Variants in BTD observed in about 807,000 individuals in gnomAD.
The protein encoded by BTD is biocytinase.
A neutral mutation model predicts 17.7 loss-of-function variants in BTD; 13 were observed. That is an observed-to-expected ratio of 0.74 (90% confidence interval 0.48 to 1.17). The LOEUF (loss-of-function observed/expected upper bound fraction) is 1.17, where lower values mean the gene tolerates loss of function less well. BTD is among the 50% of genes most tolerant of loss of function. BTD has a pLI of 0.00. For synonymous variants in BTD, 240 were observed against 245.2 expected (o/e 0.98, Z 0.20); for missense variants, 674 against 650.4 (o/e 1.04, Z -0.39).
intron 4 of BTD, chr3:15,720,979 G>T: frequency 6.2e-7 from 1 of 1,613,862 alleles, no homozygotes; most frequent in Non-Finnish European, 8.5e-7. Flanking sequence ...ATGTGTTGAT[G>T]CAGCAGCAAA....
intron 2 of BTD, among the ~76,000 whole-genome samples, chr3:15,637,920 G>A (rs570540863): frequency 5.9e-5 from 9 of 152,268 alleles, no homozygotes; most frequent in South Asian, 4.1e-4. Context: ...GCATCACTCC[G>A]TCTCTATTTG....
intron 3 of BTD, chr3:15,668,790 T>C (rs754467357): frequency 6.6e-5 from 10 of 152,658 alleles, no homozygotes; most frequent in Non-Finnish European, 1.0e-4. Flanking sequence ...TCACACTTTA[T>C]ATTCAGAAAA....
intron 3 of BTD, chr3:15,679,446 C>G (rs1008390520): frequency 6.2e-7 from 1 of 1,613,592 alleles, no homozygotes; most frequent in Non-Finnish European, 8.5e-7. Context: ...AACACTCAAA[C>G]CAAATCTGAT....
intron 3 of BTD, among the ~76,000 whole-genome samples, chr3:15,661,659 A>G (rs999174331): frequency 2.6e-5 from 4 of 152,164 alleles, no homozygotes; most frequent in South Asian, 2.1e-4. Flanking sequence ...AATGAAGTCT[A>G]GCTTATCATT....
chr3:15,721,205 T>A, intron 4 of BTD: 9 of 1,204,672 alleles, frequency 7.5e-6, no homozygotes, highest in Non-Finnish European at 9.5e-6. Flanking sequence ...TAGCAACCTG[T>A]GGTTGCAATC....
rs73817023 is a variant in BTD at position 15,602,184 on chromosome 3, G to A, written c.-17+290G>A. On this transcript the variant is annotated intron_variant, in intron 1 of 3. Coordinates refer to ENST00000643237, the MANE Select transcript of BTD (RefSeq NM_001370658.1). ...GTTACTTAAATCCAGAAGCAGATGT[G>A]TACCCCAGCAAGAGATAAAATGACG... 8,463 of 1,397,626 alleles carry A rather than the reference G, an allele frequency of 6.1e-3. 406 individuals are homozygous for A. In the African/African-American group the frequency reaches 0.11, roughly 18 times the overall value. The allele number at this position is 1,397,626 out of a possible 1,614,324, so 86.6% of individuals were successfully genotyped here.
At chr3:15,721,205 T>G in intron 4 of BTD, 1 of 1,204,710 alleles carries the variant, frequency 8.3e-7, no homozygotes, top group South Asian at 1.4e-5. Context: ...TAGCAACCTG[T>G]GGTTGCAATC....
At chr3:15,707,909 T>C (rs757080130) in intron 3 of BTD, 16 of 1,609,254 alleles carry the variant, frequency 9.9e-6, no homozygotes, top group Non-Finnish European at 1.2e-5. Context: ...CCACTCTCAC[T>C]CCTATGGTAC....
intron 3 of BTD, among the ~76,000 whole-genome samples, chr3:15,693,990 C>G (rs1480383948): frequency 6.6e-6 from 1 of 152,086 alleles, no homozygotes; most frequent in Non-Finnish European, 1.5e-5. Context: ...AAGCATTTTA[C>G]TAAAAATCAT....
chr3:15,701,889 G>C (rs769841080), intron 3 of BTD, among the ~76,000 whole-genome samples: 3 of 152,028 alleles, frequency 2.0e-5, no homozygotes, highest in Non-Finnish European at 4.4e-5. Context: ...GAAAAAGCCT[G>C]CAAGTCTGTA....
At chr3:15,644,189 A>T (rs1035208362) in intron 3 of BTD, 127 bp from the exon 4 acceptor site, 19 of 939,250 alleles carry the variant, frequency 2.0e-5, no homozygotes, top group Non-Finnish European at 3.0e-5. Context: ...TTTAGTTGAG[A>T]TGGGGTTTCA....
At chr3:15,601,554 CT>C (rs779922996), upstream of BTD, 3 of 1,603,884 alleles carry the variant, frequency 1.9e-6, no homozygotes, top group East Asian at 2.2e-5. Context: ...CACGCCACCT[CT>C]GGTACTGCAC....
intron 1 of BTD, among the ~76,000 whole-genome samples, chr3:15,608,229 A>T (rs1264978917): frequency 6.6e-6 from 1 of 152,184 alleles, no homozygotes; most frequent in Non-Finnish European, 1.5e-5. Context: ...CTGGAACTGG[A>T]GAAGGGAGTG....
downstream of BTD, chr3:15,714,593 T>G: frequency 6.3e-7 from 1 of 1,592,390 alleles, no homozygotes. Flanking sequence ...TGGATAATGG[T>G]TTGTGATCGG....
Position 15,676,684 on chromosome 3 carries a change from A to C in BTD, c.400-33376A>C, listed in dbSNP as rs182645974. The C allele has an allele frequency of 3.2e-5, 8 of 250,618 alleles. No homozygotes were observed. In the Admixed American group the frequency reaches 3.6e-4, roughly 11 times the overall value. The allele number at this position is 250,618 out of a possible 1,614,324, so 15.5% of individuals were successfully genotyped here. On this transcript the variant is annotated intron_variant, in intron 3 of 3. Coordinates refer to the BTD transcript ENST00000672141. ...TAACATATTATTACAGTTGATTTCC[A>C]CAGAATACACAAAATAGTACTACTT...
intron 4 of BTD, among the ~76,000 whole-genome samples, chr3:15,718,888 C>G (rs2073384218): frequency 6.6e-6 from 1 of 152,118 alleles, no homozygotes; most frequent in Non-Finnish European, 1.5e-5. Flanking sequence ...ATTAAAGAAA[C>G]ATTACTGCGC....
intron 4 of BTD, among the ~76,000 whole-genome samples, chr3:15,719,063 T>C (rs889245579): frequency 3.3e-5 from 5 of 152,244 alleles, no homozygotes; most frequent in African/African-American, 1.2e-4. Flanking sequence ...TACTAGGTGA[T>C]TTGACCGAGA....
intron 3 of BTD, among the ~76,000 whole-genome samples, chr3:15,677,970 C>T (rs2067127958): frequency 1.3e-5 from 2 of 152,132 alleles, no homozygotes; most frequent in African/African-American, 4.8e-5. Context: ...GGCAATCCAA[C>T]TCCACAGCCA....
At chr3:15,709,165 T>C (rs1337561939) in intron 3 of BTD, among the ~76,000 whole-genome samples, 1 of 152,170 alleles carries the variant, frequency 6.6e-6, no homozygotes, top group Non-Finnish European at 1.5e-5. Flanking sequence ...GTGGGATGTG[T>C]GGATATATGT....
Sources: gnomAD v4.1 joint callset for allele counts (sites outside exome capture counted in the v4.1 genomes callset) on GRCh38, gnomAD v4.1.1 for gene constraint, MANE v1.5 for transcripts, NCBI Gene and HGNC (gene_info 2026-07-23, HGNC 2026-07-21) for gene names.